Variants in SEMA3E observed in about 807,000 individuals in gnomAD.
SEMA3E encodes the protein semaphorin-3E.
Under a neutral mutation model 93.6 loss-of-function variants are expected in SEMA3E, and 49 were observed. The ratio of observed to expected loss-of-function variants is 0.52; its 90% CI spans 0.42 to 0.66. SEMA3E has a LOEUF of 0.66. SEMA3E is among the 30% of genes least tolerant of loss of function. The probability of loss-of-function intolerance (pLI) is 0.00; values close to 1 mark genes in which losing one functional copy is unlikely to be tolerated. For missense variants in SEMA3E, 906 were observed against 964.8 expected, an observed-to-expected ratio of 0.94 and a Z score of 0.81; for synonymous variants, 363 against 330.7, an observed-to-expected ratio of 1.10 and a Z score of -1.06.
chr7:83,402,606 A>G (rs748864671), intron 10 of SEMA3E, 26 bp downstream of exon 10: 1 of 1,595,978 alleles, frequency 6.3e-7, no homozygotes, highest in Non-Finnish European at 8.6e-7. Context: ...AAAAATAAGA[A>G]TTATTTGTTA....
chr7:83,532,737 T>C (rs1271469020), intron 1 of SEMA3E, among the ~76,000 whole-genome samples: 2 of 151,800 alleles, frequency 1.3e-5, no homozygotes, highest in African/African-American at 4.8e-5. Flanking sequence ...TTGAAGTCTT[T>C]TCCAGTTTTG....
At chr7:83,466,651 T>G (rs377237712) in intron 3 of SEMA3E, 50 bp from the exon 4 acceptor site, 58 of 1,603,788 alleles carry the variant, frequency 3.6e-5, no homozygotes, top group Non-Finnish European at 4.6e-5. Flanking sequence ...TAAACATGTT[T>G]CGTCCTTTTT....
At chr7:83,444,720 G>A (rs1428224116) in intron 4 of SEMA3E, among the ~76,000 whole-genome samples, 1 of 145,908 alleles carries the variant, frequency 6.9e-6, no homozygotes, top group Non-Finnish European at 1.5e-5. Flanking sequence ...ACCCATGCCA[G>A]AGTGCAGTGG....
chr7:83,564,722 G>T (rs1228628376), intron 1 of SEMA3E, among the ~76,000 whole-genome samples: 1 of 151,954 alleles, frequency 6.6e-6, no homozygotes, highest in Non-Finnish European at 1.5e-5. Flanking sequence ...CTTGGTATCT[G>T]ACTTACATTT....
rs370556556 is a variant in SEMA3E, at chr7:83,389,773, T to C, written c.1668-2723A>G. ...TATTACATGTATACATATATACACG[T>C]ATATATTACATGTATACATATATAC... On this transcript the variant is annotated intron_variant, in intron 14 of 16. Transcript: ENST00000643230. Among the ~76,000 whole-genome samples, 450 of 122,634 alleles carry C rather than the reference T, an allele frequency of 3.7e-3. 2 individuals carry two copies. Among genetic ancestry groups the C allele is most frequent in the East Asian group, 0.017 (64 of 3,760 alleles). The allele number at this position is 122,634 out of a possible 152,430, so 80.5% of individuals were successfully genotyped here.
intron 14 of SEMA3E, among the ~76,000 whole-genome samples, chr7:83,388,637 A>T (rs763281304): frequency 5.9e-5 from 9 of 152,044 alleles, no homozygotes; most frequent in Non-Finnish European, 1.3e-4. Flanking sequence ...TGACAATGAG[A>T]TGCTTTAACC....
At chr7:83,424,440 A>C (rs1788730304) in intron 4 of SEMA3E, among the ~76,000 whole-genome samples, 1 of 152,166 alleles carries the variant, frequency 6.6e-6, no homozygotes, top group Non-Finnish European at 1.5e-5. Context: ...CATTTTAATT[A>C]GAGATAATAT....
chr7:83,466,466 G>T lies in SEMA3E; in HGVS notation c.456+16C>A. The T allele has an allele frequency of 6.2e-7, 1 of 1,613,496 alleles. No homozygotes were observed. Among genetic ancestry groups the T allele is most frequent in the African/African-American group, 1.3e-5 (1 of 75,004 alleles). On this transcript the variant is annotated intron_variant, in intron 4 of 16. Transcript: ENST00000643230. ...AAGCATTGTTTTTATTGACAGCAAT[G>T]AATGAAACATCTTACCTCCAAATGA...
chr7:83,423,422 C>T (rs1383204229), intron 4 of SEMA3E, among the ~76,000 whole-genome samples: 2 of 151,974 alleles, frequency 1.3e-5, no homozygotes, highest in African/African-American at 4.8e-5. Context: ...ATGGCTAAAA[C>T]TAAGTCAACA....
At chr7:83,559,834 T>C (rs1750303195) in intron 1 of SEMA3E, among the ~76,000 whole-genome samples, 2 of 152,014 alleles carry the variant, frequency 1.3e-5, no homozygotes, top group Non-Finnish European at 2.9e-5. Context: ...CTTCAGTAGA[T>C]GAGTGGATAA....
intron 1 of SEMA3E, among the ~76,000 whole-genome samples, chr7:83,571,407 G>C (rs951129093): frequency 2.6e-5 from 4 of 152,168 alleles, no homozygotes; most frequent in African/African-American, 9.7e-5. Context: ...TGGGATACAA[G>C]TTTGGTTAAA....
At chr7:83,495,680 T>C (rs1325838874) in intron 1 of SEMA3E, among the ~76,000 whole-genome samples, 1 of 151,906 alleles carries the variant, frequency 6.6e-6, no homozygotes, top group African/African-American at 2.4e-5. Flanking sequence ...GTTCTGTGAA[T>C]AGGACATCAA....
At chr7:83,419,008 T>C (rs762111068) in intron 4 of SEMA3E, among the ~76,000 whole-genome samples, 3 of 152,102 alleles carry the variant, frequency 2.0e-5, no homozygotes, top group Non-Finnish European at 4.4e-5. Context: ...GTAGTGAGCA[T>C]AGTGTCCAAC....
chr7:83,493,357 G>GA (rs1462700720), intron 1 of SEMA3E, among the ~76,000 whole-genome samples: 1 of 151,424 alleles, frequency 6.6e-6, no homozygotes, highest in Admixed American at 6.6e-5. Flanking sequence ...TAATGTCAGT[G>GA]AAAAAAAATA....
chr7:83,523,809 G>C (rs1052593760), intron 1 of SEMA3E, among the ~76,000 whole-genome samples: 1 of 151,850 alleles, frequency 6.6e-6, no homozygotes, highest in Admixed American at 6.6e-5. Flanking sequence ...TAATATACAC[G>C]TATTTTTCTT....
At chr7:83,641,716 G>A (rs1794013948) in intron 1 of SEMA3E, among the ~76,000 whole-genome samples, 1 of 152,082 alleles carries the variant, frequency 6.6e-6, no homozygotes, top group African/African-American at 2.4e-5. Flanking sequence ...GTAAAAATCT[G>A]ATGTTAAGGA....
At chr7:83,545,854 GA>G (rs1412177496) in intron 1 of SEMA3E, among the ~76,000 whole-genome samples, 1 of 144,474 alleles carries the variant, frequency 6.9e-6, no homozygotes, top group African/African-American at 2.5e-5. Context: ...TAGTATGACG[GA>G]TATCTATATA....
chr7:83,647,972 A>G (rs1205366684), intron 1 of SEMA3E, among the ~76,000 whole-genome samples: 3 of 151,986 alleles, frequency 2.0e-5, no homozygotes, highest in African/African-American at 4.8e-5. Context: ...TCCATTATGG[A>G]AACAAAACAA....
intron 16 of SEMA3E, among the ~76,000 whole-genome samples, chr7:83,377,205 A>G (rs540991899): frequency 6.6e-6 from 1 of 152,186 alleles, no homozygotes; most frequent in South Asian, 2.1e-4. Context: ...AATCCATTGC[A>G]ATGAAATTTT....
Sources: gnomAD v4.1 joint callset for allele counts (sites outside exome capture counted in the v4.1 genomes callset) on GRCh38, gnomAD v4.1.1 for gene constraint, MANE v1.5 for transcripts, NCBI Gene and HGNC (gene_info 2026-07-23, HGNC 2026-07-21) for gene names.